GPHN: variants seen among roughly 807,000 people sequenced by gnomAD.
GPHN encodes the protein gephyrin.
GPHN carries 17 observed loss-of-function variants against 95.5 expected under a neutral mutation model. The observed-to-expected ratio is 0.18, with a 90% CI of 0.12 to 0.27. GPHN has a LOEUF of 0.27. Ranked by LOEUF, GPHN falls within the 10% of genes least tolerant of loss-of-function variation. The pLI, the probability that GPHN is intolerant of heterozygous loss-of-function variation, is 1.00. For missense variants in GPHN, 660 were observed against 978.1 expected (o/e 0.67, Z 4.34); for synonymous variants, 320 against 322.5 (o/e 0.99, Z 0.08).
intron 8 of GPHN, among the ~76,000 whole-genome samples, chr14:66,947,658 G>C (rs555071397): frequency 1.3e-5 from 2 of 152,314 alleles, no homozygotes; most frequent in South Asian, 4.1e-4. Flanking sequence ...TACCCATGAT[G>C]TATAAGAATT....
the GPHN span, among the ~76,000 whole-genome samples, chr14:67,512,505 C>T: frequency 1.3e-5 from 2 of 152,170 alleles, no homozygotes; most frequent in Non-Finnish European, 2.9e-5. Context: ...ACACCCAGAC[C>T]ACCTTGTCTG....
chr14:66,858,986 T>C (rs569781511), intron 4 of GPHN, among the ~76,000 whole-genome samples: 44 of 152,174 alleles, frequency 2.9e-4, no homozygotes, highest in African/African-American at 9.9e-4. Context: ...TCAGCTTCAG[T>C]AAAATAGAAC....
intron 12 of GPHN, among the ~76,000 whole-genome samples, chr14:67,091,611 A>T (rs2077149142): frequency 6.6e-6 from 1 of 151,936 alleles, no homozygotes; most frequent in Non-Finnish European, 1.5e-5. Context: ...AGAGTGAGAA[A>T]ATAAATTATT....
chr14:66,557,417 G>C (rs1246276088), intron 1 of GPHN, among the ~76,000 whole-genome samples: 1 of 152,076 alleles, frequency 6.6e-6, no homozygotes, highest in South Asian at 2.1e-4. Context: ...GAATTTAAGT[G>C]AACATTCAGT....
the GPHN span, among the ~76,000 whole-genome samples, chr14:67,721,634 C>T: frequency 2.6e-5 from 4 of 151,792 alleles, no homozygotes; most frequent in African/African-American, 9.7e-5. Context: ...AAGGGAGATA[C>T]GAATCAGAAC....
chr14:67,401,931 G>A, the GPHN span, among the ~76,000 whole-genome samples: 204 of 152,250 alleles, frequency 1.3e-3, no homozygotes, highest in African/African-American at 4.8e-3. Context: ...AGGAGTTCGA[G>A]AGCAGTCTGG....
the GPHN span, chr14:67,332,981 T>C: frequency 1.3e-6 from 2 of 1,586,246 alleles, no homozygotes; most frequent in African/African-American, 1.3e-5. Context: ...CTGTGGCATG[T>C]TGGACTTGAT....
At chr14:67,386,956 C>CTAA in the GPHN span, 1 of 156,562 alleles carries the variant, frequency 6.4e-6, no homozygotes, top group East Asian at 1.9e-4. Context: ...TCAGCTTTTA[C>CTAA]TAATTCCAAA....
At chr14:67,427,673 C>T in the GPHN span, among the ~76,000 whole-genome samples, 2 of 152,192 alleles carry the variant, frequency 1.3e-5, no homozygotes, top group African/African-American at 4.8e-5. Flanking sequence ...CTCATTTACG[C>T]TAAGGAGCTA....
At chr14:67,732,972 A>C in the GPHN span, among the ~76,000 whole-genome samples, 1 of 152,222 alleles carries the variant, frequency 6.6e-6, no homozygotes, top group South Asian at 2.1e-4. Context: ...AAAAACAAAA[A>C]ACATGGGGGG....
At chr14:67,333,476 T>TA in the GPHN span, 1 of 152,560 alleles carries the variant, frequency 6.6e-6, no homozygotes, top group Non-Finnish European at 1.5e-5. Flanking sequence ...AAAGGAAAAA[T>TA]AAAAAACAAA....
chr14:66,576,853 G>A (rs1455260426), intron 1 of GPHN, among the ~76,000 whole-genome samples: 1 of 152,048 alleles, frequency 6.6e-6, no homozygotes, highest in Non-Finnish European at 1.5e-5. Context: ...TTTCTTTCTA[G>A]AATGAATTCC....
chr14:67,018,979 A>G (rs190418342), intron 9 of GPHN, among the ~76,000 whole-genome samples: 21 of 152,302 alleles, frequency 1.4e-4, no homozygotes. Flanking sequence ...CAGTTTAGAC[A>G]TTGCTAACTA....
chr14:66,572,125 T>C (rs1484353249), intron 1 of GPHN, among the ~76,000 whole-genome samples: 1 of 152,218 alleles, frequency 6.6e-6, no homozygotes, highest in Non-Finnish European at 1.5e-5. Context: ...TGCCTGTTTT[T>C]GTGCCAGTAC....
chr14:67,464,066 A>G, the GPHN span, among the ~76,000 whole-genome samples: 1 of 151,822 alleles, frequency 6.6e-6, no homozygotes, highest in Non-Finnish European at 1.5e-5. Flanking sequence ...GGGTGTGTGT[A>G]TGTGTGAGAG....
At chr14:67,410,035 G>A in the GPHN span, among the ~76,000 whole-genome samples, 1 of 152,024 alleles carries the variant, frequency 6.6e-6, no homozygotes, top group African/African-American at 2.4e-5. Flanking sequence ...TGAGCTCTAG[G>A]TATTTCAGCC....
At chr14:66,777,155 C>T (rs1469946941) in intron 3 of GPHN, among the ~76,000 whole-genome samples, 5 of 151,796 alleles carry the variant, frequency 3.3e-5, no homozygotes, top group East Asian at 3.9e-4. Context: ...CCACCGATCC[C>T]GCAGAAATAC....
intron 10 of GPHN, among the ~76,000 whole-genome samples, chr14:67,056,827 A>G (rs2153647414): frequency 6.6e-6 from 1 of 152,060 alleles, no homozygotes; most frequent in Non-Finnish European, 1.5e-5. Flanking sequence ...GGGGTCACTC[A>G]GGCATGGCGG....
At chr14:67,237,155 G>A in the GPHN span, among the ~76,000 whole-genome samples, 2 of 151,792 alleles carry the variant, frequency 1.3e-5, no homozygotes, top group Non-Finnish European at 2.9e-5. Context: ...GGTAATTTTT[G>A]TTTCATAATT....
Sources: gnomAD v4.1 joint callset for allele counts (sites outside exome capture counted in the v4.1 genomes callset) on GRCh38, gnomAD v4.1.1 for gene constraint, MANE v1.5 for transcripts, NCBI Gene and HGNC (gene_info 2026-07-23, HGNC 2026-07-21) for gene names.